MCM9: variants seen among roughly 807,000 people sequenced by gnomAD.
MCM9 encodes DNA helicase MCM9.
MCM9 carries 55 observed loss-of-function variants against 72.8 expected under a neutral mutation model. The ratio of observed to expected loss-of-function variants is 0.76; its 90% CI spans 0.61 to 0.95. The LOEUF is 0.95. Ranked by LOEUF, MCM9 falls within the 40% of genes least tolerant of loss-of-function variation. The pLI, the probability that MCM9 is intolerant of heterozygous loss-of-function variation, is 0.00. For synonymous variants in MCM9, 480 were observed against 503.4 expected (o/e 0.95, Z 0.62); for missense variants, 1,279 against 1,377.0 (o/e 0.93, Z 1.13).
intron 3 of MCM9, among the ~76,000 whole-genome samples, chr6:118,929,109 A>G (rs1460141726): frequency 1.3e-5 from 2 of 152,148 alleles, no homozygotes; most frequent in Non-Finnish European, 2.9e-5. Context: ...AATCCCAGCT[A>G]CTTGGGAGGC....
chr6:118,928,268 G>C (rs139581940), intron 3 of MCM9, among the ~76,000 whole-genome samples: 1 of 151,894 alleles, frequency 6.6e-6, no homozygotes, highest in African/African-American at 2.4e-5. Context: ...AAAATTAGCC[G>C]GGTGTGGTGG....
At chr6:118,843,706 A>ATGTGTG (rs1380895703) in intron 9 of MCM9, among the ~76,000 whole-genome samples, 1 of 72,150 alleles carries the variant, frequency 1.4e-5, no homozygotes, top group African/African-American at 6.2e-5. Flanking sequence ...ATATATATGT[A>ATGTGTG]TGTATATATA....
chr6:118,828,058 A>G lies in MCM9; in HGVS notation c.1601T>C (p.Leu534Pro). 5 of 1,550,776 alleles carry G rather than the reference A, an allele frequency of 3.2e-6. No individual in the cohort carries two copies. Among genetic ancestry groups the G allele is most frequent in the African/African-American group, 1.4e-5 (1 of 73,196 alleles). Residue 534 changes from leucine to proline, a missense_variant, in exon 11 of 14, where the codon CTG (leucine) becomes CCG (proline). By Grantham distance (98) the Leu-to-Pro change is moderately conservative. Transcript: ENST00000619706. The part of the protein sequence containing the change: ...MKTYFCLIRN[L>P]QPTLSDVGNQ... Reference sequence around the variant, plus strand: ...GCCCACATCAGACAGTGTGGGCTGCAGATTCCTTATGAGGCAGAAATAGGT... The same window carrying G: ...GCCCACATCAGACAGTGTGGGCTGCGGATTCCTTATGAGGCAGAAATAGGT...
intron 3 of MCM9, among the ~76,000 whole-genome samples, chr6:118,929,780 C>T (rs1335464972): frequency 6.6e-6 from 1 of 152,078 alleles, no homozygotes. Context: ...TAATACCAGC[C>T]CGGGTAACAG....
At chr6:118,860,744 G>A (rs958370052) in intron 8 of MCM9, among the ~76,000 whole-genome samples, 5 of 152,164 alleles carry the variant, frequency 3.3e-5, no homozygotes, top group African/African-American at 1.2e-4. Flanking sequence ...ATAGAGCAGT[G>A]GTCCCCAGCC....
At chr6:118,925,976 GACAATTCAGT>G (rs1440282003) in intron 3 of MCM9, among the ~76,000 whole-genome samples, 1 of 151,946 alleles carries the variant, frequency 6.6e-6, no homozygotes, top group African/African-American at 2.4e-5. Flanking sequence ...CTATAAAGTA[GACAATTCAGT>G]GGTAATTAGT....
intron 8 of MCM9, among the ~76,000 whole-genome samples, chr6:118,902,507 G>C (rs78571872): frequency 0.027 from 3,974 of 149,898 alleles, 182 homozygotes; most frequent in African/African-American, 0.094. Flanking sequence ...AAGAAACCTG[G>C]GTTGACAGGT....
chr6:118,892,739 A>G (rs1281335797), intron 8 of MCM9, among the ~76,000 whole-genome samples: 1 of 152,202 alleles, frequency 6.6e-6, no homozygotes, highest in East Asian at 1.9e-4. Flanking sequence ...AACTGGCTTG[A>G]AGAAGTGTTT....
chr6:118,823,655 C>T (rs944246440), intron 13 of MCM9, among the ~76,000 whole-genome samples: 2 of 152,178 alleles, frequency 1.3e-5, no homozygotes, highest in African/African-American at 4.8e-5. Flanking sequence ...GAAAGCCTTT[C>T]CTGACAACCT....
chr6:118,888,503 A>T (rs1583549778), intron 8 of MCM9, among the ~76,000 whole-genome samples: 1 of 152,158 alleles, frequency 6.6e-6, no homozygotes, highest in African/African-American at 2.4e-5. Flanking sequence ...ACAGACAAAC[A>T]AACAGAAAAC....
intron 9 of MCM9, among the ~76,000 whole-genome samples, chr6:118,836,393 T>C (rs1474251478): frequency 6.6e-6 from 1 of 152,246 alleles, no homozygotes; most frequent in Non-Finnish European, 1.5e-5. Context: ...TCTTTTTCTA[T>C]GGTTTGTAAT....
chr6:118,865,695 T>C (rs1777174505), intron 8 of MCM9, among the ~76,000 whole-genome samples: 2 of 152,186 alleles, frequency 1.3e-5, no homozygotes, highest in Admixed American at 6.5e-5. Context: ...CTTACCCCTA[T>C]GATAAATCTA....
intron 9 of MCM9, among the ~76,000 whole-genome samples, chr6:118,838,159 CTTTTTTTTTTTT>C (rs759862698): frequency 8.4e-6 from 1 of 119,712 alleles, no homozygotes; most frequent in Non-Finnish European, 1.8e-5. Context: ...GTTGAAAATT[CTTTTTTTTTTTT>C]TTTTTTTGAG....
chr6:118,865,598 G>A (rs140044333), intron 8 of MCM9, among the ~76,000 whole-genome samples: 1,661 of 152,290 alleles, frequency 0.011, 8 homozygotes, highest in Admixed American at 0.015. Context: ...GGCTTCTAAT[G>A]GACTTGCACT....
At chr6:118,861,746 T>G (rs1175306092) in intron 8 of MCM9, among the ~76,000 whole-genome samples, 1 of 152,166 alleles carries the variant, frequency 6.6e-6, no homozygotes, top group Non-Finnish European at 1.5e-5. Flanking sequence ...CGGGTGGACC[T>G]GGAAAAAGCA....
At chr6:118,912,051 G>A (rs1015307341) in intron 7 of MCM9, 5 of 197,458 alleles carry the variant, frequency 2.5e-5, no homozygotes, top group Non-Finnish European at 4.1e-5. Context: ...AGGTGCGGTG[G>A]CTCACACTTG....
intron 13 of MCM9, among the ~76,000 whole-genome samples, chr6:118,818,382 G>C (rs1035634724): frequency 2.6e-5 from 4 of 152,182 alleles, no homozygotes; most frequent in Non-Finnish European, 4.4e-5. Context: ...TTATTAAATA[G>C]GGAATCCTTT....
At chr6:118,893,788 G>T (rs971669783) in intron 8 of MCM9, among the ~76,000 whole-genome samples, 4 of 151,712 alleles carry the variant, frequency 2.6e-5, no homozygotes, top group Admixed American at 1.3e-4. Flanking sequence ...ATTCAGCAAG[G>T]CCGGCAAAGC....
chr6:118,826,098 C>T (rs993597729), intron 13 of MCM9, 49 bp downstream of exon 13: 27 of 1,519,640 alleles, frequency 1.8e-5, no homozygotes, highest in Admixed American at 1.5e-4. Context: ...TCACTAAATG[C>T]CAAACAAGGA....
Sources: gnomAD v4.1 joint callset for allele counts (sites outside exome capture counted in the v4.1 genomes callset) on GRCh38, gnomAD v4.1.1 for gene constraint, MANE v1.5 for transcripts, NCBI Gene and HGNC (gene_info 2026-07-23, HGNC 2026-07-21) for gene names.